The following TP53BP1 variants were observed in gnomAD, a reference collection of about 807,000 sequenced individuals.
TP53BP1 encodes TP53-binding protein 1.
TP53BP1 carries 61 observed loss-of-function variants against 200.8 expected under a neutral mutation model. The ratio of observed to expected loss-of-function variants is 0.30; its 90% CI spans 0.25 to 0.38. TP53BP1 has a LOEUF of 0.38. Ranked by LOEUF, TP53BP1 falls within the 10% of genes least tolerant of loss-of-function variation. TP53BP1 has a pLI of 1.00. For synonymous variants in TP53BP1, 822 were observed against 844.3 expected, an observed-to-expected ratio of 0.97 and a Z score of 0.46; for missense variants, 2,144 against 2,371.9, an observed-to-expected ratio of 0.90 and a Z score of 2.00.
intron 12 of TP53BP1, among the ~76,000 whole-genome samples, chr15:43,454,069 G>A (rs2046236033): frequency 6.6e-6 from 1 of 151,618 alleles, no homozygotes; most frequent in South Asian, 2.1e-4. Flanking sequence ...GCTGGGCATG[G>A]TGGCATGCAC....
rs767515643 is a variant in TP53BP1, at chr15:43,432,243, T to C, written c.3626A>G (p.Glu1209Gly). 5.6e-6 allele frequency: 9 copies of C among 1,614,168 alleles called. No homozygotes were observed. The South Asian group carries it at 8.8e-5, about 16-fold the overall frequency. Residue 1209 changes from glutamate to glycine, a missense_variant, in exon 17 of 28, where the codon GAG becomes GGG. Transcript: ENST00000382044. ...ATVQTERGSG[E>G]KPVSAPGDDT... is the part of the protein sequence containing the mutation. ...ATCCCCAGGAGCACTGACTGGTTTC[T>C]CACCACTCCCCCTCTCAGTCTGAAC...
intron 12 of TP53BP1, among the ~76,000 whole-genome samples, chr15:43,452,509 A>T (rs1164243385): frequency 6.6e-6 from 1 of 150,498 alleles, no homozygotes; most frequent in African/African-American, 2.4e-5. Context: ...GCTGCAGTGA[A>T]CATTGATGGT....
chr15:43,477,468 C>T (rs2078901200), intron 8 of TP53BP1, 125 bp downstream of exon 8: 1 of 865,376 alleles, frequency 1.2e-6, no homozygotes. Context: ...AACACGTTTT[C>T]CTTCCATATC....
chr15:43,485,551 T>G (rs2079034473), intron 4 of TP53BP1, among the ~76,000 whole-genome samples: 1 of 114,402 alleles, frequency 8.7e-6, no homozygotes, highest in Admixed American at 1.3e-4. Flanking sequence ...CACTCCAGCC[T>G]GGGCAACAGA....
At chr15:43,416,576 G>A (rs1201562863) in intron 21 of TP53BP1, 160 bp from the exon 22 acceptor site, 3 of 605,986 alleles carry the variant, frequency 5.0e-6, no homozygotes, top group Non-Finnish European at 8.5e-6. Flanking sequence ...ATCCCAAACA[G>A]TAACACTTAG....
At chr15:43,424,159 T>C (rs536496791) in intron 18 of TP53BP1, among the ~76,000 whole-genome samples, 2 of 152,326 alleles carry the variant, frequency 1.3e-5, no homozygotes, top group Admixed American at 1.3e-4. Flanking sequence ...CAGCTCTTTC[T>C]AGCAGAGACT....
intron 21 of TP53BP1, among the ~76,000 whole-genome samples, chr15:43,419,935 T>C (rs1167379558): frequency 6.6e-6 from 1 of 151,504 alleles, no homozygotes; most frequent in Non-Finnish European, 1.5e-5. Flanking sequence ...CCAAATAAAG[T>C]CTAAAGTTTT....
intron 4 of TP53BP1, among the ~76,000 whole-genome samples, chr15:43,485,001 C>T (rs538305026): frequency 6.6e-6 from 1 of 152,180 alleles, no homozygotes; most frequent in Non-Finnish European, 1.5e-5. Flanking sequence ...CCTCCTGCCT[C>T]GGCCTCACTT....
At chr15:43,441,504 A>G in intron 15 of TP53BP1, 22 bp downstream of exon 15, 1 of 1,575,128 alleles carries the variant, frequency 6.3e-7, no homozygotes, top group Non-Finnish European at 8.7e-7. Context: ...TTAAACTCTA[A>G]ATAGCATCCA....
chr15:43,474,455 CAAAAAAAAA>C (rs398043214), intron 10 of TP53BP1, among the ~76,000 whole-genome samples: 3 of 79,136 alleles, frequency 3.8e-5, no homozygotes, highest in East Asian at 6.2e-4. Flanking sequence ...TGGGGTTAGA[CAAAAAAAAA>C]AAAAAAAAAA....
Position 43,404,046 on chromosome 15 carries a change from T to C in TP53BP1, c.*3337A>G. 1 of 540,784 alleles carries C rather than the reference T, an allele frequency of 1.8e-6. No homozygotes were observed. The highest frequency in any genetic ancestry group is 2.5e-5 in the South Asian group (1 of 39,534). The allele number at this position is 540,784 out of a possible 1,614,324, so 33.5% of individuals were successfully genotyped here. A position where few individuals can be genotyped will look rare whatever the true frequency, so the allele number is the denominator to read the frequency against. ...TTCAGCCCATCAAATAAGCATTGGG[T>C]TGTTCTAACTTCCTCACATCCTCCC... On this transcript the variant is annotated 3_prime_UTR_variant, in exon 28 of 28. Coordinates refer to ENST00000382044, the MANE Select transcript of TP53BP1 (RefSeq NM_001141980.3).
In TP53BP1 at chr15:43,448,017, T is replaced by A. The variant is rs953395145; in HGVS notation, c.2717-532A>T. Among the ~76,000 whole-genome samples the A allele has an allele frequency of 2.0e-5, 3 of 152,188 alleles. No homozygotes were observed. The East Asian group carries it at 5.8e-4, about 29-fold the overall frequency. On this transcript the variant is annotated intron_variant, in intron 12 of 27. Transcript: ENST00000382044. The stretch of plus-strand genomic sequence containing the variant: ...TCTCACGGGTTAAAGGACTTCAAGA[T>A]ACTGACTGGTTCTAGCATAGAAATC...
chr15:43,438,727 G>GAAAAAAA (rs2045856763), intron 15 of TP53BP1, among the ~76,000 whole-genome samples: 1 of 19,312 alleles, frequency 5.2e-5, no homozygotes, highest in East Asian at 2.3e-3. Context: ...CAAGCAAGAG[G>GAAAAAAA]CAAAAAAAAA....
intron 4 of TP53BP1, among the ~76,000 whole-genome samples, chr15:43,489,514 A>G (rs1188095915): frequency 6.6e-6 from 1 of 152,266 alleles, no homozygotes; most frequent in African/African-American, 2.4e-5. Context: ...GTGTAAGAAC[A>G]AAAGCACAAG....
At chr15:43,445,397 G>T (rs1192445295) in intron 14 of TP53BP1, among the ~76,000 whole-genome samples, 1 of 152,054 alleles carries the variant, frequency 6.6e-6, no homozygotes, top group Non-Finnish European at 1.5e-5. Context: ...TACCCTCCTA[G>T]TTCTCCTTCT....
At chr15:43,500,281 A>G (rs1400562494) in intron 1 of TP53BP1, among the ~76,000 whole-genome samples, 1 of 152,222 alleles carries the variant, frequency 6.6e-6, no homozygotes, top group African/African-American at 2.4e-5. Context: ...CTGGTTGCTT[A>G]TAACAAAAAG....
chr15:43,459,385 T>C (rs577992306), intron 11 of TP53BP1, among the ~76,000 whole-genome samples: 2 of 152,260 alleles, frequency 1.3e-5, no homozygotes, highest in East Asian at 1.9e-4. Flanking sequence ...CATAAATTCA[T>C]GGGAAATTAT....
chr15:43,445,326 C>T (rs1223178462), intron 14 of TP53BP1, among the ~76,000 whole-genome samples: 1 of 152,132 alleles, frequency 6.6e-6, no homozygotes, highest in African/African-American at 2.4e-5. Context: ...ACTAAACTTG[C>T]TCCTGTGCCT....
chr15:43,447,533 A>T lies in TP53BP1; in HGVS notation c.2717-48T>A, dbSNP rs192716474. 1.0e-3 allele frequency: 1,442 copies of T among 1,421,174 alleles called. 15 individuals are homozygous for T. In the African/African-American group the frequency reaches 0.017, roughly 16 times the overall value. The allele number at this position is 1,421,174 out of a possible 1,614,324, so 88.0% of individuals were successfully genotyped here. On this transcript the variant is annotated intron_variant, in intron 12 of 27. Transcript: ENST00000382044. ...AAAAGAAAGAAAGAAAAAATGATTT[A>T]AAAAAAACAGAAGTATAAAATAAGC...
Sources: gnomAD v4.1 joint callset for allele counts (sites outside exome capture counted in the v4.1 genomes callset) on GRCh38, gnomAD v4.1.1 for gene constraint, MANE v1.5 for transcripts, NCBI Gene and HGNC (gene_info 2026-07-23, HGNC 2026-07-21) for gene names.